Variants in CNTN1 observed in about 807,000 individuals in gnomAD.
CNTN1 encodes contactin-1.
CNTN1 carries 38 observed loss-of-function variants against 126.4 expected under a neutral mutation model. That is an observed-to-expected ratio of 0.30 (90% CI 0.23 to 0.39). The LOEUF (loss-of-function observed/expected upper bound fraction) is 0.39, where lower values mean the gene tolerates loss of function less well. Ranked by LOEUF, CNTN1 falls within the 10% of genes least tolerant of loss-of-function variation. The probability of loss-of-function intolerance (pLI) is 1.00; values close to 1 mark genes in which losing one functional copy is unlikely to be tolerated. For missense variants in CNTN1, 1,009 were observed against 1,248.4 expected (o/e 0.81, Z 2.89); for synonymous variants, 413 against 422.6 (o/e 0.98, Z 0.28).
chr12:40,793,753 T>C (rs975213332), intron 1 of CNTN1, among the ~76,000 whole-genome samples: 2 of 152,090 alleles, frequency 1.3e-5, no homozygotes, highest in African/African-American at 4.8e-5. Flanking sequence ...AAACATTTTC[T>C]GACCTTCTCC....
intron 1 of CNTN1, among the ~76,000 whole-genome samples, chr12:40,906,024 C>G (rs1944796711): frequency 6.6e-6 from 1 of 152,204 alleles, no homozygotes; most frequent in Non-Finnish European, 1.5e-5. Context: ...GCCTGTAATC[C>G]CAGCACTTTG....
intron 1 of CNTN1, among the ~76,000 whole-genome samples, chr12:40,725,199 C>T (rs758990546): frequency 5.9e-5 from 9 of 151,962 alleles, no homozygotes; most frequent in East Asian, 1.9e-4. Context: ...GTTGGGAGTT[C>T]GAGACCAGCC....
At chr12:40,896,880 T>G (rs937284239) in intron 1 of CNTN1, among the ~76,000 whole-genome samples, 41 of 152,148 alleles carry the variant, frequency 2.7e-4, no homozygotes, top group African/African-American at 9.4e-4. Flanking sequence ...AAAGATAAAA[T>G]TTAATCTGGA....
At chr12:40,877,006 T>G (rs1188912244) in intron 1 of CNTN1, among the ~76,000 whole-genome samples, 1 of 152,176 alleles carries the variant, frequency 6.6e-6, no homozygotes, top group East Asian at 1.9e-4. Context: ...CATTTTCCAT[T>G]GCAATTAATC....
intron 1 of CNTN1, among the ~76,000 whole-genome samples, chr12:40,709,548 C>T (rs78193290): frequency 0.011 from 1,738 of 152,318 alleles, 29 homozygotes; most frequent in African/African-American, 0.039. Flanking sequence ...CTTTTTAGCT[C>T]TGAAAGTCCT....
chr12:40,904,175 C>T (rs553286927), intron 1 of CNTN1, among the ~76,000 whole-genome samples: 63 of 151,454 alleles, frequency 4.2e-4, no homozygotes, highest in East Asian at 7.9e-4. Context: ...CCTGCCACCA[C>T]GCACAGCTAA....
intron 1 of CNTN1, among the ~76,000 whole-genome samples, chr12:40,785,027 A>C (rs10748156): frequency 6.6e-6 from 1 of 152,056 alleles, no homozygotes; most frequent in South Asian, 2.1e-4. Context: ...TGAGTAAATC[A>C]TCTGAAAATT....
chr12:40,888,561 C>A (rs1944133899), intron 1 of CNTN1, among the ~76,000 whole-genome samples: 1 of 152,090 alleles, frequency 6.6e-6, no homozygotes, highest in Non-Finnish European at 1.5e-5. Flanking sequence ...GGTTTACAAT[C>A]TTAACTTGTT....
chr12:40,871,421 T>C (rs2136670970), intron 1 of CNTN1, among the ~76,000 whole-genome samples: 1 of 152,210 alleles, frequency 6.6e-6, no homozygotes, highest in African/African-American at 2.4e-5. Context: ...GAGAGTAGAC[T>C]ACAGGGAGGT....
intron 15 of CNTN1, among the ~76,000 whole-genome samples, chr12:40,979,792 T>C (rs1303324398): frequency 6.6e-6 from 1 of 152,092 alleles, no homozygotes; most frequent in Admixed American, 6.5e-5. Flanking sequence ...CTCACTTATC[T>C]TTTAATTTCT....
In CNTN1 at chr12:40,905,993, T is replaced by C. The variant is rs144577066; in HGVS notation, c.-76-2364T>C. Among the ~76,000 whole-genome samples the C allele has an allele frequency of 4.3e-3, 662 of 152,286 alleles. 2 individuals are homozygous for C. The highest frequency in any genetic ancestry group is 0.013 in the African/African-American group (531 of 41,568). On this transcript the variant is annotated intron_variant, in intron 1 of 23. Transcript: ENST00000551295. ...TTTTCCTGTCCTCTAAAAGAATTGT[T>C]GGCCGGGTGCAATGGCTCACGCCTG...
chr12:40,756,314 G>C (rs554672044), intron 1 of CNTN1, among the ~76,000 whole-genome samples: 32 of 152,196 alleles, frequency 2.1e-4, no homozygotes, highest in African/African-American at 7.5e-4. Flanking sequence ...GAAGGCCATA[G>C]TCAGAGAGTA....
At chr12:40,746,154 G>C (rs1255775112) in intron 1 of CNTN1, among the ~76,000 whole-genome samples, 2 of 152,130 alleles carry the variant, frequency 1.3e-5, no homozygotes, top group Admixed American at 6.6e-5. Context: ...TCAAGGTACA[G>C]GTATTGGCAT....
At chr12:40,759,267 T>C (rs752543323) in intron 1 of CNTN1, among the ~76,000 whole-genome samples, 6 of 152,132 alleles carry the variant, frequency 3.9e-5, no homozygotes, top group East Asian at 3.9e-4. Context: ...TTTATACAAA[T>C]GGAGGATTGA....
At position 40,939,506 on chromosome 12, in the gene CNTN1, T is replaced by C. The variant is rs1253938783; in HGVS notation, c.1379+21T>C. ...AGCAGGTCAGTGCTGAAACTAGAAATCCAATTGCAAAATCTGTTTGAAAAA... is the reference window on the plus strand; with the variant it reads ...AGCAGGTCAGTGCTGAAACTAGAAACCCAATTGCAAAATCTGTTTGAAAAA... On this transcript the variant is annotated intron_variant, in intron 12 of 23. Transcript: ENST00000551295. The C allele has an allele frequency of 3.1e-6, 5 of 1,612,900 alleles. No individual in the cohort carries two copies. The South Asian group carries it at 4.4e-5, about 14-fold the overall frequency.
At chr12:40,959,872 G>A (rs1947045796) in intron 15 of CNTN1, among the ~76,000 whole-genome samples, 1 of 151,980 alleles carries the variant, frequency 6.6e-6, no homozygotes, top group Non-Finnish European at 1.5e-5. Context: ...CTGCCCTTTA[G>A]TTTTGCACCC....
chr12:41,033,906 C>T (rs866880200), intron 23 of CNTN1, among the ~76,000 whole-genome samples: 6 of 150,580 alleles, frequency 4.0e-5, no homozygotes, highest in African/African-American at 1.5e-4. Context: ...AAAAATTAGC[C>T]GGGCGTGGTG....
intron 5 of CNTN1, 84 bp downstream of exon 5, chr12:40,922,512 G>A: frequency 7.7e-7 from 1 of 1,296,086 alleles, no homozygotes; most frequent in East Asian, 2.3e-5. Flanking sequence ...GATAGTGAGA[G>A]GAAGGCATCA....
chr12:40,945,200 G>A (rs901424910), intron 14 of CNTN1, among the ~76,000 whole-genome samples: 1 of 151,988 alleles, frequency 6.6e-6, no homozygotes, highest in Non-Finnish European at 1.5e-5. Flanking sequence ...AGAATTGGCA[G>A]AGAACTGTAA....
Sources: allele counts gnomAD v4.1 joint callset (sites outside exome capture counted in the v4.1 genomes callset), GRCh38; gene constraint gnomAD v4.1.1; transcripts MANE v1.5; gene names NCBI Gene and HGNC (gene_info 2026-07-23, HGNC 2026-07-21).